Variants in TMCC1 observed in about 807,000 individuals in gnomAD.
The protein encoded by TMCC1 is transmembrane and coiled-coil domain family 1, also known as transmembrane and coiled-coil domains protein 1.
Under a neutral mutation model 52.4 loss-of-function variants are expected in TMCC1, and 15 were observed. The ratio of observed to expected loss-of-function variants is 0.29; its 90% CI spans 0.19 to 0.44. The LOEUF (loss-of-function observed/expected upper bound fraction) is 0.44. TMCC1 is among the 20% of genes least tolerant of loss of function. TMCC1 has a pLI of 1.00. For missense variants in TMCC1, 503 were observed against 806.0 expected, an observed-to-expected ratio of 0.62 and a Z score of 4.55; for synonymous variants, 279 against 301.9, an observed-to-expected ratio of 0.92 and a Z score of 0.79.
intron 2 of TMCC1, chr3:129,847,739 G>A (rs2059730729): frequency 1.3e-5 from 2 of 152,208 alleles, no homozygotes; most frequent in Non-Finnish European, 2.9e-5. Context: ...TACTTTGAAA[G>A]AAACTGCCCA....
chr3:129,690,008 C>T (rs2089675583), intron 4 of TMCC1, among the ~76,000 whole-genome samples: 1 of 152,208 alleles, frequency 6.6e-6, no homozygotes, highest in African/African-American at 2.4e-5. Flanking sequence ...TTTTCAGTAT[C>T]TTCTAAGACA....
chr3:129,866,332 A>G (rs1041602959), intron 2 of TMCC1, among the ~76,000 whole-genome samples: 2 of 142,688 alleles, frequency 1.4e-5, no homozygotes, highest in African/African-American at 5.2e-5. Context: ...ACATATATAC[A>G]TAATATATAT....
intron 4 of TMCC1, among the ~76,000 whole-genome samples, chr3:129,718,506 A>T (rs934655279): frequency 1.3e-5 from 2 of 152,326 alleles, no homozygotes; most frequent in East Asian, 3.9e-4. Flanking sequence ...AACCTCGAAT[A>T]ATACCATGAG....
At position 129,854,323 on chromosome 3, in the gene TMCC1, C is replaced by T. The variant is rs547033640; in HGVS notation, c.-183-21497G>A. On this transcript the variant is annotated intron_variant, in intron 2 of 6. Coordinates refer to ENST00000393238, the MANE Select transcript of TMCC1 (RefSeq NM_001017395.5). The stretch of plus-strand genomic sequence containing the variant: ...AGCAGAATCGCTCAAACCTGGGAGG[C>T]GGAAGGGTGAGGCAAGATCACGCCA... Among the ~76,000 whole-genome samples the T allele has an allele frequency of 5.4e-5, 8 of 149,366 alleles. 1 individual carries two copies. In the South Asian group the frequency reaches 1.1e-3, roughly 20 times the overall value.
Position 129,651,941 on chromosome 3 carries a change from A to G in TMCC1, c.1648-146T>C. 1 of 938,452 alleles carries G rather than the reference A, an allele frequency of 1.1e-6. No individual in the cohort carries two copies. Among genetic ancestry groups the G allele is most frequent in the Non-Finnish European group, 1.5e-6 (1 of 646,314 alleles). 58.1% of individuals were successfully genotyped at this position (938,452 alleles called of 1,614,324 possible). ...GAGCCTTGAATGAATGTAAAAGGCT[A>G]GATGTATAACTCACTATTCAAGTGA... On this transcript the variant is annotated intron_variant, in intron 6 of 6. Coordinates refer to ENST00000393238, the MANE Select transcript of TMCC1 (RefSeq NM_001017395.5). The surrounding 1 kb of genome is among the most constrained non-coding windows in gnomAD (Gnocchi z 5.1).
At chr3:129,717,955 T>C (rs982425793) in intron 4 of TMCC1, among the ~76,000 whole-genome samples, 2 of 152,200 alleles carry the variant, frequency 1.3e-5, no homozygotes, top group Non-Finnish European at 2.9e-5. Context: ...TAGTTGACCC[T>C]TGAACAACAA....
At chr3:129,794,478 T>G in intron 4 of TMCC1, 1 of 409,958 alleles carries the variant, frequency 2.4e-6, no homozygotes, top group South Asian at 1.7e-5. Flanking sequence ...GCAAAGAATT[T>G]CCCTGGGAGT....
chr3:129,825,585 G>T (rs2058623325), intron 4 of TMCC1, among the ~76,000 whole-genome samples: 1 of 152,082 alleles, frequency 6.6e-6, no homozygotes, highest in South Asian at 2.1e-4. Context: ...GCCCAGCCTG[G>T]AGTGCAGCAA....
At chr3:129,687,270 G>C (rs1318165748) in intron 4 of TMCC1, among the ~76,000 whole-genome samples, 2 of 151,994 alleles carry the variant, frequency 1.3e-5, no homozygotes, top group Non-Finnish European at 2.9e-5. Context: ...GCCTAAGTTA[G>C]GATGAGGAAA....
chr3:129,725,131 T>C (rs1230187290), intron 4 of TMCC1, among the ~76,000 whole-genome samples: 1 of 152,226 alleles, frequency 6.6e-6, no homozygotes, highest in Non-Finnish European at 1.5e-5. Context: ...TTTTTCTTTT[T>C]GAGACAGGGT....
chr3:129,745,487 G>A (rs2051852336), intron 4 of TMCC1, among the ~76,000 whole-genome samples: 1 of 152,192 alleles, frequency 6.6e-6, no homozygotes, highest in African/African-American at 2.4e-5. Flanking sequence ...ATGCCCTGAT[G>A]GGAAATGCTG....
chr3:129,867,514 C>A (rs1317983197), intron 2 of TMCC1, among the ~76,000 whole-genome samples: 1 of 152,176 alleles, frequency 6.6e-6, no homozygotes, highest in African/African-American at 2.4e-5. Context: ...AATTCCTTAA[C>A]AATACCATTA....
intron 5 of TMCC1, among the ~76,000 whole-genome samples, chr3:129,667,250 A>G (rs1450025344): frequency 3.3e-5 from 5 of 151,182 alleles, no homozygotes; most frequent in African/African-American, 1.2e-4. Context: ...AAAAGACTTC[A>G]ATTTGTAGAA....
intron 4 of TMCC1, among the ~76,000 whole-genome samples, chr3:129,772,137 T>C (rs1298513601): frequency 6.6e-6 from 1 of 152,226 alleles, no homozygotes; most frequent in East Asian, 1.9e-4. Context: ...TGTGGGAGGA[T>C]AGCTTAAGCC....
intron 4 of TMCC1, among the ~76,000 whole-genome samples, chr3:129,814,731 C>CA (rs1292027361): frequency 6.6e-6 from 1 of 151,572 alleles, no homozygotes; most frequent in Non-Finnish European, 1.5e-5. Context: ...AACTGGAAAA[C>CA]AAAAAAGAGT....
chr3:129,763,070 T>C (rs1271231163), intron 4 of TMCC1, among the ~76,000 whole-genome samples: 3 of 151,102 alleles, frequency 2.0e-5, no homozygotes, highest in Non-Finnish European at 4.4e-5. Context: ...TAGTAGCAGG[T>C]GCCTGTAGTC....
chr3:129,657,583 A>T (rs1003018343), intron 5 of TMCC1, among the ~76,000 whole-genome samples: 3 of 152,206 alleles, frequency 2.0e-5, no homozygotes, highest in Non-Finnish European at 4.4e-5. Flanking sequence ...CAGATCAACT[A>T]ACTCTCCTCA....
intron 4 of TMCC1, among the ~76,000 whole-genome samples, chr3:129,679,620 G>A (rs2088797350): frequency 1.3e-5 from 2 of 152,022 alleles, no homozygotes; most frequent in South Asian, 4.1e-4. Flanking sequence ...ATTTAAAATT[G>A]CAAATTTTGG....
At chr3:129,682,899 G>A (rs1263234351) in intron 4 of TMCC1, among the ~76,000 whole-genome samples, 4 of 151,892 alleles carry the variant, frequency 2.6e-5, no homozygotes, top group Middle Eastern at 3.2e-3. Flanking sequence ...GCAATGGCGC[G>A]ATCTCGGCTC....
Sources: gnomAD v4.1 joint callset for allele counts (sites outside exome capture counted in the v4.1 genomes callset) on GRCh38, gnomAD v4.1.1 for gene constraint, Gnocchi (gnomAD v3.1) non-coding constraint, MANE v1.5 for transcripts, NCBI Gene and HGNC (gene_info 2026-07-23, HGNC 2026-07-21) for gene names.